The following ANKRD62 variants were observed in gnomAD, a reference collection of about 807,000 sequenced individuals.
The protein encoded by ANKRD62 is ankyrin repeat domain-containing protein 62.
Under a neutral mutation model 98.8 loss-of-function variants are expected in ANKRD62, and 61 were observed. The observed-to-expected ratio is 0.62, with a 90% confidence interval of 0.50 to 0.76. ANKRD62 has a LOEUF of 0.76. Ranked by LOEUF, ANKRD62 falls within the 30% of genes least tolerant of loss-of-function variation. ANKRD62 has a pLI of 0.00. For missense variants in ANKRD62, 933 were observed against 1,082.9 expected (o/e 0.86, Z 1.94); for synonymous variants, 341 against 367.9 (o/e 0.93, Z 0.84).
chr18:12,127,645 G>A, intron 13 of ANKRD62, 103 bp from the exon 14 acceptor site: 1 of 772,752 alleles, frequency 1.3e-6, no homozygotes, highest in Non-Finnish European at 1.8e-6. Flanking sequence ...GAATCAGTGT[G>A]TGGTGGTATT....
chr18:12,120,747 G>T (rs1454048458), intron 10 of ANKRD62, among the ~76,000 whole-genome samples: 1 of 151,962 alleles, frequency 6.6e-6, no homozygotes, highest in Non-Finnish European at 1.5e-5. Context: ...TATTTTCTAT[G>T]ATTTGATTTC....
the ANKRD62 span, among the ~76,000 whole-genome samples, chr18:12,135,080 T>C: frequency 6.6e-6 from 1 of 151,196 alleles, no homozygotes; most frequent in African/African-American, 2.5e-5. Context: ...TTAGGGTACA[T>C]GTGCACAACG....
At chr18:12,104,052 A>G (rs1337903958) in intron 7 of ANKRD62, among the ~76,000 whole-genome samples, 1 of 152,154 alleles carries the variant, frequency 6.6e-6, no homozygotes, top group East Asian at 1.9e-4. Flanking sequence ...AAAACACTCA[A>G]ATGTGCACTA....
chr18:12,170,951 A>T, the ANKRD62 span, among the ~76,000 whole-genome samples: 2 of 106,538 alleles, frequency 1.9e-5, no homozygotes, highest in Non-Finnish European at 3.6e-5. Flanking sequence ...TAGGATTGCA[A>T]CCCCTGCTTT....
At chr18:12,157,391 G>T in the ANKRD62 span, among the ~76,000 whole-genome samples, 1 of 151,974 alleles carries the variant, frequency 6.6e-6, no homozygotes, top group Non-Finnish European at 1.5e-5. Context: ...CTCGCCCCTG[G>T]CCCATGTAAA....
intron 3 of ANKRD62, among the ~76,000 whole-genome samples, chr18:12,095,901 C>G (rs1361172496): frequency 1.3e-5 from 2 of 152,172 alleles, no homozygotes; most frequent in Non-Finnish European, 2.9e-5. Flanking sequence ...CTTAAAGGAT[C>G]ACATCTGGAT....
At chr18:12,120,883 G>C (rs186297918) in intron 10 of ANKRD62, among the ~76,000 whole-genome samples, 192 of 152,216 alleles carry the variant, frequency 1.3e-3, no homozygotes, top group African/African-American at 4.1e-3. Context: ...ATCATAGATG[G>C]TATAAGAAAA....
chr18:12,134,964 G>C, the ANKRD62 span, among the ~76,000 whole-genome samples: 21,437 of 152,026 alleles, frequency 0.14, 1,870 homozygotes, highest in Non-Finnish European at 0.2. Context: ...TTCCACAATA[G>C]TTAAACTAAT....
At chr18:12,117,766 A>G (rs913179019) in intron 10 of ANKRD62, among the ~76,000 whole-genome samples, 29 of 152,250 alleles carry the variant, frequency 1.9e-4, no homozygotes, top group Admixed American at 6.5e-5. Flanking sequence ...GGCAAATAAC[A>G]ACGATGTTTG....
At chr18:12,115,329 G>T in intron 9 of ANKRD62, 64 bp from the exon 10 acceptor site, 1 of 1,402,782 alleles carries the variant, frequency 7.1e-7, no homozygotes, top group Non-Finnish European at 9.4e-7. Context: ...TCCCACTGGT[G>T]TATATTTAGT....
intron 8 of ANKRD62, among the ~76,000 whole-genome samples, chr18:12,111,734 A>C (rs1459791382): frequency 1.3e-5 from 2 of 152,162 alleles, no homozygotes. Context: ...CAATGTGCAA[A>C]AATTAGTACC....
At chr18:12,123,286 G>T (rs1461140685) in intron 11 of ANKRD62, among the ~76,000 whole-genome samples, 3 of 151,584 alleles carry the variant, frequency 2.0e-5, no homozygotes, top group Admixed American at 2.0e-4. Flanking sequence ...ACTCCTGACC[G>T]CAAGTTATCT....
chr18:12,121,193 A>G (rs896267823), intron 10 of ANKRD62, among the ~76,000 whole-genome samples: 3 of 152,234 alleles, frequency 2.0e-5, no homozygotes, highest in African/African-American at 4.8e-5. Context: ...AATACCTTTC[A>G]TGCCTTCACT....
chr18:12,169,989 T>A, the ANKRD62 span, among the ~76,000 whole-genome samples: 1 of 152,230 alleles, frequency 6.6e-6, no homozygotes, highest in African/African-American at 2.4e-5. Context: ...CCTTTATCAT[T>A]TTTTATTGCA....
At chr18:12,158,844 T>C in the ANKRD62 span, among the ~76,000 whole-genome samples, 1 of 152,178 alleles carries the variant, frequency 6.6e-6, no homozygotes, top group African/African-American at 2.4e-5. Context: ...AGAAATTTTT[T>C]ATTTAACACA....
intron 10 of ANKRD62, among the ~76,000 whole-genome samples, chr18:12,121,195 G>A (rs1909775141): frequency 6.6e-6 from 1 of 152,116 alleles, no homozygotes; most frequent in African/African-American, 2.4e-5. Flanking sequence ...TACCTTTCAT[G>A]CCTTCACTTA....
the ANKRD62 span, among the ~76,000 whole-genome samples, chr18:12,136,674 C>G: frequency 3.3e-5 from 5 of 152,264 alleles, no homozygotes; most frequent in Non-Finnish European, 5.9e-5. Flanking sequence ...TCGTACCCAT[C>G]AGCATGGAAT....
rs533489606 is a variant in ANKRD62, at chr18:12,128,140, C to T, written c.*201C>T. The T allele has an allele frequency of 3.3e-6, 1 of 304,850 alleles. No individual in the cohort carries two copies. The highest frequency in any genetic ancestry group is 2.2e-5 in the African/African-American group (1 of 46,496). The allele number at this position is 304,850 out of a possible 1,614,324, so 18.9% of individuals were successfully genotyped here. ...AAGTTGAGAATTACACATCATTTCT[C>T]ACAGAAGATTAGAGAATTCTTTTTT... is the stretch of plus-strand genomic sequence containing the variant. On this transcript the variant is annotated 3_prime_UTR_variant, in exon 14 of 14. Coordinates refer to ENST00000587848, the MANE Select transcript of ANKRD62 (RefSeq NM_001277333.2).
intron 12 of ANKRD62, among the ~76,000 whole-genome samples, chr18:12,124,896 G>A (rs778680586): frequency 5.9e-5 from 9 of 152,232 alleles, no homozygotes; most frequent in Non-Finnish European, 1.0e-4. Flanking sequence ...ATTGATGTAT[G>A]CATACAAAAG....
Sources: gnomAD v4.1 joint callset for allele counts (sites outside exome capture counted in the v4.1 genomes callset) on GRCh38, gnomAD v4.1.1 for gene constraint, MANE v1.5 for transcripts, NCBI Gene and HGNC (gene_info 2026-07-23, HGNC 2026-07-21) for gene names.